Variants in NUP153 observed in about 807,000 individuals in gnomAD.
The protein encoded by NUP153 is nuclear pore complex protein Nup153.
In NUP153, 27 loss-of-function variants were observed where a neutral mutation model predicts 134.6. The ratio of observed to expected loss-of-function variants is 0.20; its 90% CI spans 0.15 to 0.28. The LOEUF is 0.28. NUP153 is among the 10% of genes least tolerant of loss of function. The pLI is 1.00. For missense variants in NUP153, 1,821 were observed against 1,731.3 expected (o/e 1.05, Z -0.92); for synonymous variants, 640 against 623.5 (o/e 1.03, Z -0.40).
chr6:17,669,036 A>AG lies in NUP153; in HGVS notation c.1015-9_1015-8insC. 6.6e-7 allele frequency: 1 copy of AG among 1,511,728 alleles called. No homozygotes were observed. Among genetic ancestry groups the AG allele is most frequent in the South Asian group, 1.3e-5 (1 of 76,584 alleles). The allele number at this position is 1,511,728 out of a possible 1,614,324, so 93.6% of individuals were successfully genotyped here. On this transcript the variant is annotated splice_polypyrimidine_tract_variant and intron_variant, in intron 7 of 21. Coordinates refer to ENST00000262077, the MANE Select transcript of NUP153 (RefSeq NM_005124.4). ...CCCACTCCTATCAAGAGGCTGAAAAAAAAAAAAAACACTATTAGAATAGAT... is the reference window on the plus strand; with the variant it reads ...CCCACTCCTATCAAGAGGCTGAAAAAGAAAAAAAAACACTATTAGAATAGAT...
At chr6:17,684,458 T>C (rs1768794812) in intron 2 of NUP153, among the ~76,000 whole-genome samples, 1 of 152,222 alleles carries the variant, frequency 6.6e-6, no homozygotes, top group African/African-American at 2.4e-5. Context: ...TAGGGCTTGC[T>C]CTGGATTACA....
intron 11 of NUP153, among the ~76,000 whole-genome samples, chr6:17,658,102 G>T (rs7773218): frequency 0.2 from 30,015 of 152,188 alleles, 3,859 homozygotes; most frequent in Non-Finnish European, 0.28. Context: ...GGTGGTTAAA[G>T]AAGTTTTGCA....
intron 5 of NUP153, among the ~76,000 whole-genome samples, chr6:17,674,570 G>A (rs1389198602): frequency 6.6e-6 from 1 of 152,056 alleles, no homozygotes; most frequent in Non-Finnish European, 1.5e-5. Flanking sequence ...AGATCATCAA[G>A]ACCATCCTGG....
Position 17,629,003 on chromosome 6 carries a change from T to C in NUP153, c.3196A>G (p.Lys1066Glu), listed in dbSNP as rs1258907794. ...TCTTCTTTTTTAGCTTCTGATGTCT[T>C]ACATGTGAAAGGAGCCACTGAAGCA... ...KSASVAPFTC[K>E]TSEAKKEEMP... The change falls in exon 18 of 22, where the codon AAG becomes GAG. Residue 1066 changes from lysine to glutamate, a missense_variant. Lys to Glu is a moderately conservative substitution (Grantham distance 56). Coordinates refer to ENST00000262077, the MANE Select transcript of NUP153 (RefSeq NM_005124.4). 5 of 1,614,064 alleles carry C rather than the reference T, an allele frequency of 3.1e-6. No individual in the cohort carries two copies. Among genetic ancestry groups the C allele is most frequent in the Non-Finnish European group, 4.2e-6 (5 of 1,180,030 alleles).
chr6:17,665,904 G>T (rs182179490), intron 8 of NUP153, among the ~76,000 whole-genome samples: 36 of 151,476 alleles, frequency 2.4e-4, no homozygotes, highest in Middle Eastern at 3.4e-3. Context: ...GCTCAGGCTG[G>T]TCTCAAACTC....
intron 15 of NUP153, among the ~76,000 whole-genome samples, chr6:17,639,709 T>C (rs992905605): frequency 6.6e-6 from 1 of 152,206 alleles, no homozygotes; most frequent in African/African-American, 2.4e-5. Context: ...TAATGGAGAA[T>C]CCATTTCCTC....
At chr6:17,618,497 G>C (rs912948085) in intron 20 of NUP153, among the ~76,000 whole-genome samples, 1 of 150,496 alleles carries the variant, frequency 6.6e-6, no homozygotes, top group African/African-American at 2.4e-5. Context: ...GGCATAAAAA[G>C]GAAACATCCA....
At chr6:17,665,724 G>T (rs73369318) in intron 8 of NUP153, among the ~76,000 whole-genome samples, 48,341 of 145,514 alleles carry the variant, frequency 0.33, 8,132 homozygotes, top group Middle Eastern at 0.54. Flanking sequence ...ACAGTTTTTT[G>T]TTTTTTTTTT....
intron 2 of NUP153, among the ~76,000 whole-genome samples, chr6:17,687,951 A>C (rs1474359580): frequency 6.6e-6 from 1 of 151,862 alleles, no homozygotes; most frequent in Non-Finnish European, 1.5e-5. Context: ...CGTCTCTATA[A>C]AAAATACCAA....
intron 13 of NUP153, 109 bp from the exon 14 acceptor site, chr6:17,646,263 A>C (rs745704690): frequency 3.6e-5 from 19 of 522,474 alleles, no homozygotes; most frequent in Middle Eastern, 5.3e-4. Context: ...GCTGGAGTGC[A>C]GTGGCGCAAT....
chr6:17,690,237 A>C (rs959245155), intron 1 of NUP153, among the ~76,000 whole-genome samples: 5 of 152,188 alleles, frequency 3.3e-5, no homozygotes, highest in Admixed American at 6.5e-5. Flanking sequence ...ATGTAGTCCC[A>C]GCTACTCGGG....
intron 16 of NUP153, among the ~76,000 whole-genome samples, chr6:17,634,743 C>T (rs774868378): frequency 6.6e-6 from 1 of 152,092 alleles, no homozygotes; most frequent in Non-Finnish European, 1.5e-5. Flanking sequence ...GGTCACATTA[C>T]ATACATCTGA....
In NUP153 at chr6:17,662,090, A is replaced by G. The variant is rs755473755; in HGVS notation, c.1216-20T>C. On this transcript the variant is annotated intron_variant, in intron 9 of 21. Transcript: ENST00000262077. Reference sequence around the variant, plus strand: ...TCCAGTCTGCAGGGGAAATACACACATATTTACGTTTGCTTATTTGTTGTA... The same window carrying G: ...TCCAGTCTGCAGGGGAAATACACACGTATTTACGTTTGCTTATTTGTTGTA... The G allele has an allele frequency of 6.2e-6, 10 of 1,605,794 alleles. No individual in the cohort carries two copies. The highest frequency in any genetic ancestry group is 1.7e-4 in the Middle Eastern group (1 of 6,028).
At chr6:17,652,186 A>T (rs1766534544) in intron 11 of NUP153, among the ~76,000 whole-genome samples, 1 of 152,184 alleles carries the variant, frequency 6.6e-6, no homozygotes, top group Non-Finnish European at 1.5e-5. Flanking sequence ...GAATAAGAAC[A>T]AAGATCTAAT....
At chr6:17,636,597 G>C (rs1765564559) in intron 16 of NUP153, among the ~76,000 whole-genome samples, 1 of 152,122 alleles carries the variant, frequency 6.6e-6, no homozygotes, top group Non-Finnish European at 1.5e-5. Flanking sequence ...ATGAGTTAAA[G>C]ATTCAATATG....
intron 1 of NUP153, among the ~76,000 whole-genome samples, chr6:17,699,198 T>G (rs543949808): frequency 6.6e-6 from 1 of 152,064 alleles, no homozygotes; most frequent in Non-Finnish European, 1.5e-5. Context: ...AATTTTTTTT[T>G]TTTTTAAATA....
chr6:17,631,240 T>C (rs1415268653), intron 17 of NUP153, among the ~76,000 whole-genome samples: 5 of 150,272 alleles, frequency 3.3e-5, no homozygotes, highest in African/African-American at 7.3e-5. Context: ...TTCAATCATA[T>C]AGACATATAC....
At position 17,672,531 on chromosome 6, in the gene NUP153, G is replaced by A. The variant is rs557290593; in HGVS notation, c.852+2374C>T. 2.4e-4 allele frequency among the ~76,000 whole-genome samples: 37 copies of A among 152,206 alleles called. No homozygotes were observed. The South Asian group carries it at 3.9e-3, about 16-fold the overall frequency. On this transcript the variant is annotated intron_variant, in intron 5 of 21. Transcript: ENST00000262077. ...GTTCTGGTTGCAGTGAGCCATGATC[G>A]TGCCACTGCACTCCAACCTGTGTGA...
intron 1 of NUP153, 49 bp from the exon 2 acceptor site, chr6:17,688,667 T>A (rs753277606): frequency 1.4e-6 from 2 of 1,443,020 alleles, no homozygotes; most frequent in East Asian, 4.5e-5. Flanking sequence ...TTTATCTTTT[T>A]AAAATAAGTA....
Sources: gnomAD v4.1 joint callset for allele counts (sites outside exome capture counted in the v4.1 genomes callset) on GRCh38, gnomAD v4.1.1 for gene constraint, MANE v1.5 for transcripts, NCBI Gene and HGNC (gene_info 2026-07-23, HGNC 2026-07-21) for gene names.